Variants in RAPGEFL1 observed in about 807,000 individuals in gnomAD.
The protein encoded by RAPGEFL1 is Rap guanine nucleotide exchange factor like 1.
RAPGEFL1 carries 31 observed loss-of-function variants against 64.4 expected under a neutral mutation model. That is an observed-to-expected ratio of 0.48 (90% CI 0.36 to 0.65). The LOEUF is 0.65. Among genes scored for constraint, RAPGEFL1 ranks in the 30% least tolerant of loss-of-function variants. RAPGEFL1 has a pLI of 0.00. For missense variants in RAPGEFL1, 682 were observed against 677.4 expected (o/e 1.01, Z -0.08); for synonymous variants, 331 against 274.1 (o/e 1.21, Z -2.05).
rs764761805 is a variant in RAPGEFL1, at chr17:40,191,663, C to T, written c.1596C>T (p.Leu532=). The T allele has an allele frequency of 6.8e-6, 11 of 1,611,072 alleles. No homozygotes were observed. The highest frequency in any genetic ancestry group is 2.2e-5 in the South Asian group (2 of 90,112). The part of the protein sequence containing the change: ...LDNAAVSRLR[L]TWEKLPGKFK... ...ACGCCGCTGTCAGCCGCCTTCGACT[C>T]ACCTGGGAGGTGATGAGACCCCTCC... The change falls in exon 10 of 15, where the codon CTC becomes CTT. Residue 532 remains leucine (L), a synonymous_variant. Coordinates refer to ENST00000620260, the MANE Select transcript of RAPGEFL1 (RefSeq NM_016339.6). This position sits in a 1 kb window ranked among gnomAD's most constrained non-coding sequence, Gnocchi z 5.1.
rs771112975 is a variant in RAPGEFL1, at chr17:40,193,802, A to T, written c.*14A>T. 5 of 1,613,778 alleles carry T rather than the reference A, an allele frequency of 3.1e-6. No individual in the cohort carries two copies. Among genetic ancestry groups the T allele is most frequent in the Non-Finnish European group, 4.2e-6 (5 of 1,179,946 alleles). ...AACAGTCAGTGAGAGTGGAGGCTCC[A>T]GTCAGACCCGCCAGATCCTTGGGCA... On this transcript the variant is annotated 3_prime_UTR_variant, in exon 15 of 15. Transcript: ENST00000620260.
chr17:40,189,419 C>A, intron 6 of RAPGEFL1, 44 bp downstream of exon 6: 1 of 1,601,532 alleles, frequency 6.2e-7, no homozygotes, highest in Non-Finnish European at 8.5e-7. Context: ...AGAGGAGAAA[C>A]TCACAAGCTC....
At chr17:40,193,109 C>A in intron 13 of RAPGEFL1, 119 bp downstream of exon 13, 1 of 1,064,282 alleles carries the variant, frequency 9.4e-7, no homozygotes, top group Non-Finnish European at 1.4e-6. Flanking sequence ...GCCTAACAGA[C>A]TCTTGACTGT....
chr17:40,184,331 G>T lies in RAPGEFL1; in HGVS notation c.717G>T (p.Gly239=), dbSNP rs1989993570. 1 of 1,612,016 alleles carries T rather than the reference G, an allele frequency of 6.2e-7. No individual in the cohort carries two copies. Among genetic ancestry groups the T allele is most frequent in the African/African-American group, 1.3e-5 (1 of 74,742 alleles). The part of the protein sequence containing the change: ...TYQGLLQEEE[G]AGHIIKDLYL... ...AGGGGCTGCTTCAAGAGGAAGAGGG[G>T]GCCGGCCACATCATCAAGGTGGGCC... The change falls in exon 3 of 15, where the codon GGG becomes GGT. Residue 239 remains glycine, a synonymous_variant. Transcript: ENST00000620260.
chr17:40,191,083 G>A lies in RAPGEFL1; in HGVS notation c.1336-233G>A, dbSNP rs991280205. On this transcript the variant is annotated intron_variant, in intron 8 of 14. Transcript: ENST00000620260. This position sits in a 1 kb window ranked among gnomAD's most constrained non-coding sequence, Gnocchi z 5.1. Reference sequence around the variant, plus strand: ...TGGTTGTCTTGAGGATGTCAGCCGTGAGCGAATGCCTGGCACCTAGTAAGT... The same window carrying A: ...TGGTTGTCTTGAGGATGTCAGCCGTAAGCGAATGCCTGGCACCTAGTAAGT... 1.7e-6 allele frequency: 1 copy of A among 593,752 alleles called. No homozygotes were observed. Among genetic ancestry groups the A allele is most frequent in the East Asian group, 3.0e-5 (1 of 33,878 alleles). 36.8% of individuals were successfully genotyped at this position (593,752 alleles called of 1,614,324 possible).
rs1990288799 is a variant in RAPGEFL1 at position 40,191,917 on chromosome 17, C to A, written c.1605+245C>A. ...GGCAGCCCTTGGCCAGGTCAGGTCGCAGACTTGGCTGTGGGAGTTGGGCTG... is the reference window on the plus strand; with the variant it reads ...GGCAGCCCTTGGCCAGGTCAGGTCGAAGACTTGGCTGTGGGAGTTGGGCTG... On this transcript the variant is annotated intron_variant, in intron 10 of 14. Coordinates refer to ENST00000620260, the MANE Select transcript of RAPGEFL1 (RefSeq NM_016339.6). This position sits in a 1 kb window ranked among gnomAD's most constrained non-coding sequence, Gnocchi z 5.1. 6.6e-6 allele frequency among the ~76,000 whole-genome samples: 1 copy of A among 152,248 alleles called. No individual in the cohort carries two copies. The highest frequency in any genetic ancestry group is 1.5e-5 in the Non-Finnish European group (1 of 68,044).
chr17:40,183,518 CT>C lies in RAPGEFL1; in HGVS notation c.600-678del, dbSNP rs760848897. On this transcript the variant is annotated intron_variant, in intron 2 of 14. Transcript: ENST00000620260. ...TCCCATCTTTCTTTTCTTTTCTTTT[CT>C]TTTTTTTTTTTTTTTTTGAGATGGA... 6.0e-3 allele frequency among the ~76,000 whole-genome samples: 781 copies of C among 130,150 alleles called. 3 individuals carry two copies. Among genetic ancestry groups the C allele is most frequent in the Non-Finnish European group, 9.3e-3 (558 of 60,284 alleles). The allele number at this position is 130,150 out of a possible 152,430, so 85.4% of individuals were successfully genotyped here.
chr17:40,189,014 A>G, intron 5 of RAPGEFL1, 36 bp downstream of exon 5: 1 of 1,586,914 alleles, frequency 6.3e-7, no homozygotes, highest in Non-Finnish European at 8.6e-7. Flanking sequence ...GGGTGTCCTG[A>G]GTGGCTCAGG....
Position 40,195,062 on chromosome 17 carries a change from G to T in RAPGEFL1, c.*1274G>T, listed in dbSNP as rs1159493502. The T allele has an allele frequency of 1.3e-5, 2 of 152,598 alleles. No homozygotes were observed. The highest frequency in any genetic ancestry group is 1.3e-4 in the Admixed American group (2 of 15,272). 9.5% of individuals were successfully genotyped at this position (152,598 alleles called of 1,614,324 possible). On this transcript the variant is annotated 3_prime_UTR_variant, in exon 15 of 15. Transcript: ENST00000620260. ...TTCTGGCACCACCTCTTTCCCTTTT[G>T]AAGAGACAGCAACAGCCGTAGCAAA...
chr17:40,192,531 G>A (rs1338184455), intron 11 of RAPGEFL1, 75 bp from the exon 12 acceptor site: 1 of 1,284,702 alleles, frequency 7.8e-7, no homozygotes, highest in African/African-American at 1.5e-5. Context: ...GGCAGGGGGT[G>A]AGGGAGGAAG....
intron 13 of RAPGEFL1, 127 bp from the exon 14 acceptor site, chr17:40,193,236 T>G (rs1321934056): frequency 8.6e-7 from 1 of 1,158,390 alleles, no homozygotes; most frequent in African/African-American, 1.5e-5. Context: ...CCTTTGGTCC[T>G]TCAGAGACCC....
Position 40,190,714 on chromosome 17 carries a change from C to G in RAPGEFL1, c.1287C>G (p.Ala429=), listed in dbSNP as rs1471506806. 6.2e-7 allele frequency: 1 copy of G among 1,614,066 alleles called. No homozygotes were observed. The highest frequency in any genetic ancestry group is 8.5e-7 in the Non-Finnish European group (1 of 1,180,046). Reference sequence around the variant, plus strand: ...ACCGAGTGGAGCCTGAGGACGTTGCCAACCACCTAACTGCCTTCCACTGGG... The same window carrying G: ...ACCGAGTGGAGCCTGAGGACGTTGCGAACCACCTAACTGCCTTCCACTGGG... The part of the protein sequence containing the change: ...EIHRVEPEDV[A]NHLTAFHWEL... The change falls in exon 8 of 15, where the codon GCC becomes GCG. Residue 429 remains alanine, a synonymous_variant. Coordinates refer to ENST00000620260, the MANE Select transcript of RAPGEFL1 (RefSeq NM_016339.6).
At chr17:40,188,595 G>T in intron 4 of RAPGEFL1, 2 of 476,248 alleles carry the variant, frequency 4.2e-6, no homozygotes, top group Non-Finnish European at 3.9e-6. Context: ...TTATCCCAAT[G>T]TTCTATAGTA....
Position 40,190,456 on chromosome 17 carries a change from T to C in RAPGEFL1, c.1137T>C (p.Thr379=), listed in dbSNP as rs55696782. The part of the protein sequence containing the change: ...SSGEKVLLQP[T]EDCVFTALGI... The stretch of plus-strand genomic sequence containing the variant: ...CAGAGAAGGTCCTTCTCCAGCCCAC[T>C]GAGGACTGTGTTTTCACCGCACTGG... Residue 379 remains threonine (T), a synonymous_variant, in exon 7 of 15, where the codon ACT becomes ACC. Coordinates refer to ENST00000620260, the MANE Select transcript of RAPGEFL1 (RefSeq NM_016339.6). 27,843 of 1,614,142 alleles carry C rather than the reference T, an allele frequency of 0.017. 291 individuals carry two copies. The highest frequency in any genetic ancestry group is 0.043 in the Middle Eastern group (260 of 6,062).
chr17:40,185,519 C>CAAA lies in RAPGEFL1; in HGVS notation c.833+860_833+862dup, dbSNP rs1012933421. Among the ~76,000 whole-genome samples, 102 of 36,062 alleles carry CAAA rather than the reference C, an allele frequency of 2.8e-3. 1 individual carries two copies. Among genetic ancestry groups the CAAA allele is most frequent in the Middle Eastern group, 0.018 (1 of 56 alleles). The allele number at this position is 36,062 out of a possible 152,430, so 23.7% of individuals were successfully genotyped here. A position where few individuals can be genotyped will look rare whatever the true frequency, so the allele number is the denominator to read the frequency against. ...ACATTGTGAAACCCTGTCTCCACTA[C>CAAA]AAAAAAAAAAAAAAAAAAAAAGGCT... On this transcript the variant is annotated intron_variant, in intron 4 of 14. Transcript: ENST00000620260.
In RAPGEFL1 at chr17:40,191,015, A is replaced by G. The variant is rs1990243296; in HGVS notation, c.1335+253A>G. On this transcript the variant is annotated intron_variant, in intron 8 of 14. Coordinates refer to ENST00000620260, the MANE Select transcript of RAPGEFL1 (RefSeq NM_016339.6). The surrounding 1 kb of genome is among the most constrained non-coding windows in gnomAD (Gnocchi z 5.1). ...GATTTCTATTTTTAAAATATTCACTATTAAAGAAATAAAATAAGGCAGAGA... is the reference window on the plus strand; with the variant it reads ...GATTTCTATTTTTAAAATATTCACTGTTAAAGAAATAAAATAAGGCAGAGA... 5 of 600,968 alleles carry G rather than the reference A, an allele frequency of 8.3e-6. No individual in the cohort carries two copies. In the South Asian group the frequency reaches 8.7e-5, roughly 10 times the overall value. The allele number at this position is 600,968 out of a possible 1,614,324, so 37.2% of individuals were successfully genotyped here.
Position 40,189,310 on chromosome 17 carries a change from A to C in RAPGEFL1, c.1049A>C (p.Gln350Pro), listed in dbSNP as rs1357037937. 6 of 1,614,010 alleles carry C rather than the reference A, an allele frequency of 3.7e-6. No homozygotes were observed. In the African/African-American group the frequency reaches 5.3e-5, roughly 14 times the overall value. Residue 350 changes from glutamine to proline, a missense_variant, in exon 6 of 15, where the codon CAA becomes CCA. Transcript: ENST00000620260. ...DILGSVTEKL[Q>P]YSEEPAGRED... ...CTGGGCTCTGTGACGGAGAAACTTC[A>C]ATATTCAGAGGAGCCCGCGGGGCGT...
chr17:40,183,115 T>G (rs924003858), intron 2 of RAPGEFL1, among the ~76,000 whole-genome samples: 12 of 152,102 alleles, frequency 7.9e-5, no homozygotes, highest in African/African-American at 2.9e-4. Flanking sequence ...GCCATTGCAC[T>G]CCAGCCTGGG....
In RAPGEFL1 at chr17:40,195,359, T is replaced by A. The variant is rs966400387; in HGVS notation, c.*1571T>A. ...CTTCTGCTCCCTGCCCCCTCCCTGC[T>A]ACTGCTGATGCACTCTCCTCTCCCT... On this transcript the variant is annotated 3_prime_UTR_variant, in exon 15 of 15. Transcript: ENST00000620260. The A allele has an allele frequency of 1.9e-5, 3 of 154,994 alleles. No individual in the cohort carries two copies. Among genetic ancestry groups the A allele is most frequent in the African/African-American group, 7.2e-5 (3 of 41,468 alleles). 9.6% of individuals were successfully genotyped at this position (154,994 alleles called of 1,614,324 possible). A position where few individuals can be genotyped will look rare whatever the true frequency, so the allele number is the denominator to read the frequency against.
Sources: gnomAD v4.1 joint callset for allele counts (sites outside exome capture counted in the v4.1 genomes callset) on GRCh38, gnomAD v4.1.1 for gene constraint, Gnocchi (gnomAD v3.1) non-coding constraint, MANE v1.5 for transcripts, NCBI Gene and HGNC (gene_info 2026-07-23, HGNC 2026-07-21) for gene names.